Variants in SNX29 observed in about 807,000 individuals in gnomAD.
The protein encoded by SNX29 is sorting nexin 29.
In SNX29, 78 loss-of-function variants were observed where a neutral mutation model predicts 102.1. The observed-to-expected ratio is 0.76, with a 90% CI of 0.64 to 0.92. The LOEUF (loss-of-function observed/expected upper bound fraction) is 0.92. SNX29 is among the 40% of genes least tolerant of loss of function. The pLI, the probability that SNX29 is intolerant of heterozygous loss-of-function variation, is 0.00. For missense variants in SNX29, 1,280 were observed against 1,061.7 expected (o/e 1.21, Z -2.86); for synonymous variants, 580 against 414.5 (o/e 1.40, Z -4.85).
intron 15 of SNX29, among the ~76,000 whole-genome samples, chr16:12,337,552 G>A (rs931763356): frequency 2.6e-5 from 4 of 152,070 alleles, no homozygotes; most frequent in Non-Finnish European, 5.9e-5. Flanking sequence ...ATATTGTCCA[G>A]GCTGGTCCTA....
At chr16:12,556,348 C>T (rs918977260) in intron 20 of SNX29, 4 of 152,216 alleles carry the variant, frequency 2.6e-5, no homozygotes, top group African/African-American at 4.8e-5. Flanking sequence ...TTGGACTTCA[C>T]TCACCTGGTT....
chr16:12,084,534 G>T (rs1227808687), intron 11 of SNX29, among the ~76,000 whole-genome samples: 2 of 152,172 alleles, frequency 1.3e-5, no homozygotes, highest in Non-Finnish European at 2.9e-5. Context: ...CGGGCACACG[G>T]AGCTGTACCT....
chr16:12,090,492 A>T (rs1263991934), intron 11 of SNX29, among the ~76,000 whole-genome samples: 1 of 152,140 alleles, frequency 6.6e-6, no homozygotes, highest in Non-Finnish European at 1.5e-5. Flanking sequence ...TCACATCTGG[A>T]GACCCCCTTG....
At chr16:12,360,587 G>A (rs1439452505) in intron 16 of SNX29, among the ~76,000 whole-genome samples, 2 of 152,058 alleles carry the variant, frequency 1.3e-5, no homozygotes, top group African/African-American at 2.4e-5. Flanking sequence ...TTGGAGGTGC[G>A]AGTTCACACC....
At chr16:12,411,526 C>T (rs149968538) in intron 18 of SNX29, among the ~76,000 whole-genome samples, 423 of 152,350 alleles carry the variant, frequency 2.8e-3, no homozygotes, top group Non-Finnish European at 4.5e-3. Flanking sequence ...TGTCCTCTTT[C>T]TGCTTTATCT....
chr16:12,274,691 C>T (rs1231188035), intron 14 of SNX29, among the ~76,000 whole-genome samples: 1 of 152,114 alleles, frequency 6.6e-6, no homozygotes, highest in Non-Finnish European at 1.5e-5. Context: ...CATGTGGCAC[C>T]ACACCATACT....
At chr16:12,135,624 A>G (rs1380881608) in intron 13 of SNX29, 1 of 1,344,172 alleles carries the variant, frequency 7.4e-7, no homozygotes, top group Admixed American at 2.2e-5. Flanking sequence ...AGGGAGAGAG[A>G]AATCAACAGT....
chr16:12,496,129 CT>C (rs1445456984), intron 19 of SNX29, among the ~76,000 whole-genome samples: 1 of 152,180 alleles, frequency 6.6e-6, no homozygotes, highest in African/African-American at 2.4e-5. Context: ...GACGTGGAGC[CT>C]GACTTGGCAG....
At chr16:12,000,157 G>T (rs2056234704) in intron 2 of SNX29, among the ~76,000 whole-genome samples, 1 of 152,278 alleles carries the variant, frequency 6.6e-6, no homozygotes, top group African/African-American at 2.4e-5. Context: ...CTCCGGCTGG[G>T]CTTGGAAGTA....
Position 12,507,300 on chromosome 16 carries a change from G to C in SNX29, c.2179-17402G>C, listed in dbSNP as rs2089421901. ...AGGCCCTCAGTAGATGCGAGCTGCT[G>C]TTTATAGTCAGAGAAGGAGAAGCTT... On this transcript the variant is annotated intron_variant, in intron 19 of 20. Transcript: ENST00000566228. 2.6e-5 allele frequency among the ~76,000 whole-genome samples: 4 copies of C among 152,330 alleles called. No homozygotes were observed. In the South Asian group the frequency reaches 8.3e-4, roughly 32 times the overall value.
chr16:12,034,607 G>A (rs1358675286), intron 4 of SNX29, among the ~76,000 whole-genome samples: 1 of 152,156 alleles, frequency 6.6e-6, no homozygotes, highest in Non-Finnish European at 1.5e-5. Context: ...ATGGACTTGG[G>A]CCAGTGGCTA....
chr16:12,475,988 A>T (rs1381891829), intron 18 of SNX29, among the ~76,000 whole-genome samples: 1 of 152,150 alleles, frequency 6.6e-6, no homozygotes, highest in Non-Finnish European at 1.5e-5. Context: ...TTGGACTTTT[A>T]TAAGAATATA....
Position 11,976,880 on chromosome 16 carries a change from C to T in SNX29, c.7+67C>T, listed in dbSNP as rs2055311833. ...CGGCTCCCGCCGCTCCAGCTGCACACTCCGGCCCCTGCGTCCTCGCGCCCC... is the reference window on the plus strand; with the variant it reads ...CGGCTCCCGCCGCTCCAGCTGCACATTCCGGCCCCTGCGTCCTCGCGCCCC... On this transcript the variant is annotated intron_variant, in intron 1 of 20. Coordinates refer to ENST00000566228, the MANE Select transcript of SNX29 (RefSeq NM_032167.5). 1.1e-5 allele frequency: 14 copies of T among 1,294,628 alleles called. No individual in the cohort carries two copies. The East Asian group carries it at 3.8e-4, about 35-fold the overall frequency. 80.2% of individuals were successfully genotyped at this position (1,294,628 alleles called of 1,614,324 possible).
chr16:12,228,195 G>A (rs1255861149), intron 14 of SNX29, among the ~76,000 whole-genome samples: 2 of 152,250 alleles, frequency 1.3e-5, no homozygotes, highest in East Asian at 1.9e-4. Flanking sequence ...ACACATTAGT[G>A]TTAGAGGCAC....
intron 18 of SNX29, among the ~76,000 whole-genome samples, chr16:12,419,666 C>A (rs781625428): frequency 6.6e-6 from 1 of 151,964 alleles, no homozygotes; most frequent in Admixed American, 6.6e-5. Flanking sequence ...AGGCCTGCAT[C>A]GTCTTGGAAA....
chr16:12,036,728 CG>C (rs2057487046), intron 4 of SNX29, among the ~76,000 whole-genome samples: 1 of 152,052 alleles, frequency 6.6e-6, no homozygotes, highest in South Asian at 2.1e-4. Context: ...CCCCTCACCC[CG>C]CATGGCTGTG....
intron 13 of SNX29, among the ~76,000 whole-genome samples, chr16:12,164,511 T>G (rs1324123449): frequency 1.3e-5 from 2 of 152,130 alleles, no homozygotes; most frequent in African/African-American, 4.8e-5. Context: ...GAGTACTGTT[T>G]ACAAGTATGT....
intron 20 of SNX29, among the ~76,000 whole-genome samples, chr16:12,567,192 G>A (rs1001118465): frequency 1.3e-5 from 2 of 152,090 alleles, no homozygotes; most frequent in African/African-American, 4.8e-5. Flanking sequence ...ATTCTCACTT[G>A]GCATCTTTGG....
chr16:12,549,442 C>G (rs567549331), intron 20 of SNX29, among the ~76,000 whole-genome samples: 1 of 152,258 alleles, frequency 6.6e-6, no homozygotes, highest in Admixed American at 6.5e-5. Context: ...TTGCAGTGAC[C>G]TAAGATTGCA....
Sources: gnomAD v4.1 joint callset for allele counts (sites outside exome capture counted in the v4.1 genomes callset) on GRCh38, gnomAD v4.1.1 for gene constraint, MANE v1.5 for transcripts, NCBI Gene and HGNC (gene_info 2026-07-23, HGNC 2026-07-21) for gene names.